MAPK4: variants seen among roughly 807,000 people sequenced by gnomAD.
MAPK4 encodes the protein Erk3-related.
In MAPK4, 22 loss-of-function variants were observed where a neutral mutation model predicts 47.7. That is an observed-to-expected ratio of 0.46 (90% CI 0.33 to 0.66). The LOEUF (loss-of-function observed/expected upper bound fraction) is 0.66. Ranked by LOEUF, MAPK4 falls within the 30% of genes least tolerant of loss-of-function variation. The pLI is 0.02. For synonymous variants in MAPK4, 390 were observed against 365.7 expected, an observed-to-expected ratio of 1.07 and a Z score of -0.76; for missense variants, 736 against 831.7, an observed-to-expected ratio of 0.88 and a Z score of 1.42.
At chr18:50,677,209 T>C (rs1038018813) in intron 2 of MAPK4, among the ~76,000 whole-genome samples, 1 of 152,240 alleles carries the variant, frequency 6.6e-6, no homozygotes, top group Non-Finnish European at 1.5e-5. Flanking sequence ...GGAAAAATTG[T>C]TTTCCACGAA....
At chr18:50,578,718 G>T (rs537949468) in intron 1 of MAPK4, among the ~76,000 whole-genome samples, 1 of 152,166 alleles carries the variant, frequency 6.6e-6, no homozygotes, top group African/African-American at 2.4e-5. Flanking sequence ...AGGAAGAGCC[G>T]TTACTACATG....
chr18:50,568,023 C>A (rs181835804), intron 1 of MAPK4, among the ~76,000 whole-genome samples: 3 of 151,642 alleles, frequency 2.0e-5, no homozygotes, highest in African/African-American at 7.3e-5. Context: ...GGTGAAACCC[C>A]GTCTCTACTA....
chr18:50,684,410 G>T (rs115477814), intron 2 of MAPK4, among the ~76,000 whole-genome samples: 4,063 of 152,118 alleles, frequency 0.027, 99 homozygotes, highest in African/African-American at 0.061. Context: ...GCTGAGCATG[G>T]TGGCGTGCAC....
At chr18:50,616,411 C>T (rs1355993233) in intron 1 of MAPK4, among the ~76,000 whole-genome samples, 1 of 152,096 alleles carries the variant, frequency 6.6e-6, no homozygotes, top group African/African-American at 2.4e-5. Context: ...CAGGATTGTC[C>T]TGAGGCTTAA....
chr18:50,576,254 A>T (rs2042296293), intron 1 of MAPK4, among the ~76,000 whole-genome samples: 1 of 152,226 alleles, frequency 6.6e-6, no homozygotes, highest in Non-Finnish European at 1.5e-5. Context: ...ATGCCCATTA[A>T]CAATGGGCCA....
At chr18:50,579,927 C>T (rs868080643) in intron 1 of MAPK4, among the ~76,000 whole-genome samples, 2 of 152,196 alleles carry the variant, frequency 1.3e-5, no homozygotes, top group African/African-American at 4.8e-5. Context: ...TAAAAGAAAG[C>T]AACAGTGATG....
chr18:50,703,175 C>T (rs1206405826), intron 2 of MAPK4, among the ~76,000 whole-genome samples: 1 of 152,152 alleles, frequency 6.6e-6, no homozygotes, highest in African/African-American at 2.4e-5. Flanking sequence ...CTGCCCTCCT[C>T]CCCATGCTCA....
chr18:50,658,878 G>T (rs79795896), intron 1 of MAPK4, among the ~76,000 whole-genome samples: 1 of 152,138 alleles, frequency 6.6e-6, no homozygotes, highest in African/African-American at 2.4e-5. Flanking sequence ...GAAAAGGGCC[G>T]GGTCCCAACA....
intron 1 of MAPK4, among the ~76,000 whole-genome samples, chr18:50,588,535 G>A (rs1278567477): frequency 1.4e-5 from 2 of 141,112 alleles, no homozygotes; most frequent in South Asian, 2.5e-4. Flanking sequence ...TCACAGGGAG[G>A]TGAAATAGAC....
intron 1 of MAPK4, among the ~76,000 whole-genome samples, chr18:50,616,119 A>C (rs2149379845): frequency 6.6e-6 from 1 of 152,336 alleles, no homozygotes; most frequent in Middle Eastern, 3.4e-3. Flanking sequence ...TATTTGCCAA[A>C]GAAACTCCAT....
chr18:50,616,991 A>G (rs1000311324), intron 1 of MAPK4, among the ~76,000 whole-genome samples: 2 of 152,254 alleles, frequency 1.3e-5, no homozygotes, highest in African/African-American at 2.4e-5. Flanking sequence ...ATGTCCTGGC[A>G]TAAAGGACAT....
chr18:50,658,826 T>C (rs1267207509), intron 1 of MAPK4, among the ~76,000 whole-genome samples: 1 of 152,028 alleles, frequency 6.6e-6, no homozygotes, highest in East Asian at 1.9e-4. Context: ...ACAGGAAGAC[T>C]GAGTCCAAGA....
intron 1 of MAPK4, among the ~76,000 whole-genome samples, chr18:50,609,110 A>G (rs1304513578): frequency 6.6e-6 from 1 of 152,106 alleles, no homozygotes; most frequent in Non-Finnish European, 1.5e-5. Flanking sequence ...GGAGTCTCCT[A>G]TGTCTACGTC....
chr18:50,628,715 C>T (rs1006751367), intron 1 of MAPK4, among the ~76,000 whole-genome samples: 30 of 152,182 alleles, frequency 2.0e-4, no homozygotes, highest in Admixed American at 4.6e-4. Flanking sequence ...ATAGCCCCTC[C>T]GACCTCTCCT....
At chr18:50,563,755 G>C (rs753705981) in intron 1 of MAPK4, among the ~76,000 whole-genome samples, 10 of 152,042 alleles carry the variant, frequency 6.6e-5, no homozygotes, top group Non-Finnish European at 1.3e-4. Flanking sequence ...ACTCCTTCCT[G>C]GCCTCATCAG....
chr18:50,629,273 A>G (rs1284366730), intron 1 of MAPK4: 1 of 152,264 alleles, frequency 6.6e-6, no homozygotes, highest in African/African-American at 2.4e-5. Flanking sequence ...AAGCGGTAGC[A>G]GAAAGCTCCC....
chr18:50,614,012 C>T (rs1324160400), intron 1 of MAPK4, among the ~76,000 whole-genome samples: 2 of 152,048 alleles, frequency 1.3e-5, no homozygotes, highest in African/African-American at 4.8e-5. Flanking sequence ...GACAATATAT[C>T]TTTATAGTGA....
chr18:50,706,660 G>C (rs986461235), intron 2 of MAPK4, among the ~76,000 whole-genome samples: 1 of 152,262 alleles, frequency 6.6e-6, no homozygotes, highest in Non-Finnish European at 1.5e-5. Context: ...GCCTAGCAGG[G>C]CTTCTCACTT....
intron 1 of MAPK4, among the ~76,000 whole-genome samples, chr18:50,609,315 C>T (rs1324761258): frequency 6.6e-6 from 1 of 151,444 alleles, no homozygotes; most frequent in Non-Finnish European, 1.5e-5. Flanking sequence ...GCGCCCCCCA[C>T]CTCCCGGGCG....
Sources: gnomAD v4.1 joint callset for allele counts (sites outside exome capture counted in the v4.1 genomes callset) on GRCh38, gnomAD v4.1.1 for gene constraint, MANE v1.5 for transcripts, NCBI Gene and HGNC (gene_info 2026-07-23, HGNC 2026-07-21) for gene names.